The following MOGAT1 variants were observed in gnomAD, a reference collection of about 807,000 sequenced individuals.
MOGAT1 encodes the protein monoacylglycerol O-acyltransferase 1.
Under a neutral mutation model 31.4 loss-of-function variants are expected in MOGAT1, and 32 were observed. The ratio of observed to expected loss-of-function variants is 1.02; its 90% confidence interval spans 0.77 to 1.37. MOGAT1 has a LOEUF of 1.37. Among genes scored for constraint, MOGAT1 ranks in the 40% most tolerant of loss-of-function variants. The pLI is 0.00. For synonymous variants in MOGAT1, 145 were observed against 144.5 expected (o/e 1.00, Z -0.03); for missense variants, 426 against 402.0 (o/e 1.06, Z -0.51).
chr2:222,678,687 T>C (rs182076188), intron 1 of MOGAT1, among the ~76,000 whole-genome samples: 2 of 152,296 alleles, frequency 1.3e-5, no homozygotes, highest in African/African-American at 4.8e-5. Context: ...ATGCCTGTAA[T>C]CCCAGCACTT....
At chr2:222,683,627 C>T (rs999798519) in intron 1 of MOGAT1, among the ~76,000 whole-genome samples, 14 of 151,908 alleles carry the variant, frequency 9.2e-5, no homozygotes, top group Admixed American at 6.6e-4. Flanking sequence ...ACTTGTGAGG[C>T]TGAGGCAGGA....
rs765638139 is a variant in MOGAT1 at position 222,688,356 on chromosome 2, T to C, written c.107T>C (p.Ile36Thr). The change falls in exon 2 of 6, where the codon ATT becomes ACT. Residue 36 changes from isoleucine to threonine, a missense_variant. By Grantham distance (89) the Ile-to-Thr change is moderately conservative. Transcript: ENST00000446656. Reference protein sequence around the residue: ...LKYLLLGPMSIGITVMLIIHN... With the variant: ...LKYLLLGPMSTGITVMLIIHN... ...TCTTTTCTTACAGGGCCGATGTCCA[T>C]TGGAATCACTGTGATGCTGATCATA... 7 of 1,609,770 alleles carry C rather than the reference T, an allele frequency of 4.3e-6. No homozygotes were observed. The East Asian group carries it at 1.3e-4, about 31-fold the overall frequency.
Position 222,671,829 on chromosome 2 carries a change from G to A in MOGAT1, c.44G>A (p.Arg15Gln). The change falls in exon 1 of 6, where the codon CGG becomes CAG. Residue 15 changes from arginine to glutamine, a missense_variant. Physicochemically the swap from Arg to Gln is conservative, Grantham distance 43. Coordinates refer to ENST00000446656, the MANE Select transcript of MOGAT1 (RefSeq NM_058165.3). ...FAPLNIQLAR[R>Q]LQTVAVLQWV... is the part of the protein sequence containing the mutation. Reference sequence around the variant, plus strand: ...CCGCTCAACATCCAGCTGGCGCGGCGGCTGCAGACGGTGGCCGTGCTGCAG... The same window carrying A: ...CCGCTCAACATCCAGCTGGCGCGGCAGCTGCAGACGGTGGCCGTGCTGCAG... 3 of 1,553,706 alleles carry A rather than the reference G, an allele frequency of 1.9e-6. No homozygotes were observed. The highest frequency in any genetic ancestry group is 2.6e-6 in the Non-Finnish European group (3 of 1,148,574).
At chr2:222,708,213 A>C (rs921260021) in intron 5 of MOGAT1, among the ~76,000 whole-genome samples, 2 of 152,084 alleles carry the variant, frequency 1.3e-5, no homozygotes, top group Non-Finnish European at 2.9e-5. Flanking sequence ...CCTCCCGGGT[A>C]GCTGGGATTA....
At chr2:222,685,920 A>T (rs1346201265) in intron 1 of MOGAT1, among the ~76,000 whole-genome samples, 1 of 152,104 alleles carries the variant, frequency 6.6e-6, no homozygotes, top group Non-Finnish European at 1.5e-5. Context: ...CTTTTGATGT[A>T]AAACATGTAA....
In MOGAT1 at chr2:222,687,989, G is replaced by A. The variant is rs73073770; in HGVS notation, c.95-355G>A. 1.6e-3 allele frequency among the ~76,000 whole-genome samples: 244 copies of A among 152,232 alleles called. 1 individual carries two copies. Among genetic ancestry groups the A allele is most frequent in the Admixed American group, 0.013 (202 of 15,298 alleles). ...GCTTGGGCAACTCACTTAACCCTTCGATAAGCTTCCATTCTCTCTTTTTTA... is the reference window on the plus strand; with the variant it reads ...GCTTGGGCAACTCACTTAACCCTTCAATAAGCTTCCATTCTCTCTTTTTTA... On this transcript the variant is annotated intron_variant, in intron 1 of 5. Transcript: ENST00000446656.
At chr2:222,694,598 C>T (rs964593440) in intron 4 of MOGAT1, 62 bp downstream of exon 4, 21 of 1,506,668 alleles carry the variant, frequency 1.4e-5, no homozygotes, top group East Asian at 4.6e-5. Flanking sequence ...AAACAAACCA[C>T]GAAGAAGTAA....
chr2:222,709,794 G>A lies in MOGAT1; in HGVS notation c.912G>A (p.Glu304=), dbSNP rs375379575. 6 of 1,613,422 alleles carry A rather than the reference G, an allele frequency of 3.7e-6. No individual in the cohort carries two copies. The highest frequency in any genetic ancestry group is 5.1e-6 in the Non-Finnish European group (6 of 1,179,684). Reference sequence around the variant, plus strand: ...ACCCGACCCAGGAGCAGATTGAGGAGTTACATCAGACCTATATGGAGGAAC... The same window carrying A: ...ACCCGACCCAGGAGCAGATTGAGGAATTACATCAGACCTATATGGAGGAAC... ...TLNPTQEQIE[E]LHQTYMEELR... Residue 304 remains glutamate, a synonymous_variant, in exon 6 of 6, where the codon GAG becomes GAA. Transcript: ENST00000446656.
At chr2:222,677,834 G>A (rs1229163894) in intron 1 of MOGAT1, 3 of 258,390 alleles carry the variant, frequency 1.2e-5, no homozygotes, top group African/African-American at 2.3e-5. Context: ...TTCTGGGTAT[G>A]CTGCCTTAAG....
At chr2:222,678,040 A>G (rs150959854) in intron 1 of MOGAT1, 14 of 244,822 alleles carry the variant, frequency 5.7e-5, no homozygotes, top group African/African-American at 2.5e-4. Flanking sequence ...CAGTTTTGAT[A>G]TTCTGTTGTC....
chr2:222,692,048 A>G (rs751036870), intron 3 of MOGAT1, among the ~76,000 whole-genome samples: 4 of 152,216 alleles, frequency 2.6e-5, no homozygotes, highest in African/African-American at 7.2e-5. Flanking sequence ...TATTTTGTAG[A>G]TAAGCCATGG....
At chr2:222,694,624 C>A in intron 4 of MOGAT1, 88 bp downstream of exon 4, 1 of 1,274,304 alleles carries the variant, frequency 7.8e-7, no homozygotes, top group Non-Finnish European at 1.1e-6. Flanking sequence ...TTTTCTAGCC[C>A]TTAAAGACCT....
intron 1 of MOGAT1, 39 bp downstream of exon 1, chr2:222,671,918 C>T (rs1692424797): frequency 1.4e-6 from 2 of 1,470,862 alleles, no homozygotes; most frequent in Non-Finnish European, 1.9e-6. Flanking sequence ...GCTTGGGCTC[C>T]ATATCCTCCC....
chr2:222,706,679 C>T (rs1193319240), intron 5 of MOGAT1, among the ~76,000 whole-genome samples: 1 of 152,198 alleles, frequency 6.6e-6, no homozygotes, highest in Non-Finnish European at 1.5e-5. Flanking sequence ...TCTTAGACCA[C>T]TGAGTCTTTT....
intron 5 of MOGAT1, among the ~76,000 whole-genome samples, chr2:222,697,243 T>C (rs1692849832): frequency 6.6e-6 from 1 of 152,208 alleles, no homozygotes; most frequent in South Asian, 2.1e-4. Flanking sequence ...TAGTCAAATA[T>C]TGTTTTAGGT....
chr2:222,690,808 T>TC (rs1276961395), intron 3 of MOGAT1, among the ~76,000 whole-genome samples: 2 of 152,134 alleles, frequency 1.3e-5, no homozygotes, highest in African/African-American at 4.8e-5. Context: ...GGGTGCACTA[T>TC]CCCCCTCTTA....
At chr2:222,696,161 C>T (rs1692834014) in intron 5 of MOGAT1, among the ~76,000 whole-genome samples, 1 of 152,158 alleles carries the variant, frequency 6.6e-6, no homozygotes. Flanking sequence ...TTTCCTTATC[C>T]ACTCAATGAT....
chr2:222,692,280 A>G (rs1302511655), intron 3 of MOGAT1, among the ~76,000 whole-genome samples: 1 of 152,232 alleles, frequency 6.6e-6, no homozygotes, highest in East Asian at 1.9e-4. Context: ...AAAATATTTG[A>G]TACAGTCTCT....
intron 1 of MOGAT1, among the ~76,000 whole-genome samples, chr2:222,681,789 A>G (rs1454264149): frequency 2.0e-5 from 3 of 152,148 alleles, no homozygotes; most frequent in Non-Finnish European, 2.9e-5. Context: ...AGGGATTGGG[A>G]GCTCAGCGTC....
Sources: gnomAD v4.1 joint callset for allele counts (sites outside exome capture counted in the v4.1 genomes callset) on GRCh38, gnomAD v4.1.1 for gene constraint, MANE v1.5 for transcripts, NCBI Gene and HGNC (gene_info 2026-07-23, HGNC 2026-07-21) for gene names.